The following SLC6A2 variants were observed in gnomAD, a reference collection of about 807,000 sequenced individuals.
The protein encoded by SLC6A2 is solute carrier family 6 member 2.
In SLC6A2, 26 loss-of-function variants were observed where a neutral mutation model predicts 71.7. The observed-to-expected ratio is 0.36, with a 90% CI of 0.27 to 0.50. The LOEUF is 0.50. Among genes scored for constraint, SLC6A2 ranks in the 20% least tolerant of loss-of-function variants. The probability of loss-of-function intolerance (pLI) is 0.96; values close to 1 mark genes in which losing one functional copy is unlikely to be tolerated. For synonymous variants in SLC6A2, 363 were observed against 337.9 expected, an observed-to-expected ratio of 1.07 and a Z score of -0.82; for missense variants, 581 against 803.9, an observed-to-expected ratio of 0.72 and a Z score of 3.35.
Position 55,702,082 on chromosome 16 carries a change from GGGGACA to G in SLC6A2, c.1830+153_1830+158del, listed in dbSNP as rs143752835. On this transcript the variant is annotated intron_variant, in intron 14 of 14. Coordinates refer to ENST00000568943, the MANE Select transcript of SLC6A2 (RefSeq NM_001172501.3). ...TTTTCCCCTTGGAAACATCGGGATG[GGGGACA>G]GGGAGGCTCACCTTGAGCCCATGGC... The G allele has an allele frequency of 1.9e-3, 1,466 of 790,206 alleles. 15 individuals are homozygous for G. The African/African-American group carries it at 0.023, about 12-fold the overall frequency. 48.9% of individuals were successfully genotyped at this position (790,206 alleles called of 1,614,324 possible).
rs1597024692 is a variant in SLC6A2, at chr16:55,705,673, G to T, written c.*3327G>T. ...AGAAAACCCTGCATGTATCCATAATGATGCTCTCCTGTTAAATTTACAATG... is the reference window on the plus strand; with the variant it reads ...AGAAAACCCTGCATGTATCCATAATTATGCTCTCCTGTTAAATTTACAATG... On this transcript the variant is annotated 3_prime_UTR_variant, in exon 15 of 15. Coordinates refer to ENST00000568943, the MANE Select transcript of SLC6A2 (RefSeq NM_001172501.3). 4.3e-5 allele frequency: 7 copies of T among 162,350 alleles called. No individual in the cohort carries two copies. The South Asian group carries it at 1.4e-3, about 33-fold the overall frequency. The allele number at this position is 162,350 out of a possible 1,614,324, so 10.1% of individuals were successfully genotyped here.
intron 11 of SLC6A2, 116 bp from the exon 12 acceptor site, chr16:55,699,438 G>A: frequency 2.5e-6 from 2 of 787,240 alleles, no homozygotes; most frequent in South Asian, 2.8e-5. Flanking sequence ...TAGTTCCAGG[G>A]TATCAGCATC....
chr16:55,656,175 T>G lies in SLC6A2; in HGVS notation c.-52+6T>G. Reference sequence around the variant, plus strand: ...ATCCCCTCGCCGCCGGACACGTGAGTGCGCCCTGAGCGCGGGACAGGGCTA... The same window carrying G: ...ATCCCCTCGCCGCCGGACACGTGAGGGCGCCCTGAGCGCGGGACAGGGCTA... On this transcript the variant is annotated splice_donor_region_variant and intron_variant, in intron 1 of 14. Transcript: ENST00000568943. The surrounding 1 kb of genome is among the most constrained non-coding windows in gnomAD (Gnocchi z 4.5). The G allele has an allele frequency of 6.1e-6, 1 of 162,812 alleles. No individual in the cohort carries two copies. The allele number at this position is 162,812 out of a possible 1,614,324, so 10.1% of individuals were successfully genotyped here. A position where few individuals can be genotyped will look rare whatever the true frequency, so the allele number is the denominator to read the frequency against.
chr16:55,659,044 C>T (rs765226201), intron 2 of SLC6A2, among the ~76,000 whole-genome samples: 13 of 152,108 alleles, frequency 8.5e-5, no homozygotes, highest in Non-Finnish European at 1.6e-4. Context: ...CCTCAGTGAC[C>T]GCCCCAGACT....
At chr16:55,659,794 A>G (rs1382676276) in intron 2 of SLC6A2, among the ~76,000 whole-genome samples, 2 of 152,168 alleles carry the variant, frequency 1.3e-5, no homozygotes, top group Non-Finnish European at 2.9e-5. Flanking sequence ...CAGCCTATTC[A>G]TTAGTGGTCT....
chr16:55,698,126 G>A lies in SLC6A2; in HGVS notation c.1389+101G>A. 9.2e-6 allele frequency: 12 copies of A among 1,298,070 alleles called. No individual in the cohort carries two copies. In the South Asian group the frequency reaches 1.3e-4, roughly 14 times the overall value. 80.4% of individuals were successfully genotyped at this position (1,298,070 alleles called of 1,614,324 possible). On this transcript the variant is annotated intron_variant, in intron 10 of 14. Transcript: ENST00000568943. ...TTAGAACTGGGGCTGAGCTCAGGGA[G>A]AACAATGCAGGATCCAGCATCCTCA...
chr16:55,682,739 G>C (rs375315828), intron 4 of SLC6A2, among the ~76,000 whole-genome samples: 4 of 152,326 alleles, frequency 2.6e-5, no homozygotes, highest in East Asian at 3.9e-4. Context: ...GGCCTCCCAG[G>C]AGAGGTGACA....
intron 2 of SLC6A2, among the ~76,000 whole-genome samples, chr16:55,660,175 G>T (rs1964572511): frequency 6.6e-6 from 1 of 152,126 alleles, no homozygotes; most frequent in East Asian, 1.9e-4. Context: ...ATCTCCAGCT[G>T]TGCACCTGGG....
At chr16:55,668,267 T>C (rs1440170001) in intron 2 of SLC6A2, among the ~76,000 whole-genome samples, 4 of 152,162 alleles carry the variant, frequency 2.6e-5, no homozygotes, top group Non-Finnish European at 5.9e-5. Flanking sequence ...CCACAGTTCT[T>C]TGCTATCTTG....
At chr16:55,661,248 G>T (rs1177403802) in intron 2 of SLC6A2, among the ~76,000 whole-genome samples, 1 of 152,198 alleles carries the variant, frequency 6.6e-6, no homozygotes, top group Non-Finnish European at 1.5e-5. Flanking sequence ...GGCTGCTTCT[G>T]TTTGAGTCCT....
At chr16:55,696,818 A>T (rs1965814311) in intron 9 of SLC6A2, among the ~76,000 whole-genome samples, 1 of 152,142 alleles carries the variant, frequency 6.6e-6, no homozygotes, top group Non-Finnish European at 1.5e-5. Context: ...CCCCGTCTCT[A>T]TAAAAAATTT....
At position 55,705,549 on chromosome 16, in the gene SLC6A2, G is replaced by C. The variant is rs1966083220; in HGVS notation, c.*3203G>C. ...ACTTGGGTCTGCAGCTGACTAGCTG[G>C]GTGGCCTGGGGATAGTGGCTTCATC... is the stretch of plus-strand genomic sequence containing the variant. On this transcript the variant is annotated 3_prime_UTR_variant, in exon 15 of 15. Transcript: ENST00000568943. The C allele has an allele frequency of 2.9e-6, 1 of 349,232 alleles. No individual in the cohort carries two copies. The highest frequency in any genetic ancestry group is 2.1e-5 in the African/African-American group (1 of 47,980). The allele number at this position is 349,232 out of a possible 1,614,324, so 21.6% of individuals were successfully genotyped here.
At chr16:55,660,843 C>A (rs2142486378) in intron 2 of SLC6A2, among the ~76,000 whole-genome samples, 1 of 152,328 alleles carries the variant, frequency 6.6e-6, no homozygotes, top group South Asian at 2.1e-4. Flanking sequence ...GTAACCTCTG[C>A]AATTCTGACT....
At position 55,703,181 on chromosome 16, in the gene SLC6A2, G is replaced by A. The variant is rs41280882; in HGVS notation, c.*835G>A. ...ATGCTGCTCTTGCTCTGTAAGACAC[G>A]GAGCCCAGAAACCCATCTGCACTTC... On this transcript the variant is annotated 3_prime_UTR_variant, in exon 15 of 15. Transcript: ENST00000568943. 0.024 allele frequency: 23,579 copies of A among 985,310 alleles called. 303 individuals are homozygous for A. The highest frequency in any genetic ancestry group is 0.026 in the Non-Finnish European group (21,758 of 829,858). 61.0% of individuals were successfully genotyped at this position (985,310 alleles called of 1,614,324 possible). A position where few individuals can be genotyped will look rare whatever the true frequency, so the allele number is the denominator to read the frequency against.
At position 55,703,256 on chromosome 16, in the gene SLC6A2, T is replaced by A. The variant is rs1043571217; in HGVS notation, c.*910T>A. 1 of 985,374 alleles carries A rather than the reference T, an allele frequency of 1.0e-6. No individual in the cohort carries two copies. The highest frequency in any genetic ancestry group is 1.7e-5 in the African/African-American group (1 of 57,244). 61.0% of individuals were successfully genotyped at this position (985,374 alleles called of 1,614,324 possible). On this transcript the variant is annotated 3_prime_UTR_variant, in exon 15 of 15. Coordinates refer to ENST00000568943, the MANE Select transcript of SLC6A2 (RefSeq NM_001172501.3). ...GGCAGGGACCAAGTGAGGCCTCATG[T>A]GTGTCTTCACCGTGCTGTCCTCACA...
intron 4 of SLC6A2, among the ~76,000 whole-genome samples, chr16:55,684,668 A>G (rs1049486147): frequency 6.6e-6 from 1 of 152,174 alleles, no homozygotes; most frequent in Admixed American, 6.5e-5. Context: ...AGCAGCACCC[A>G]TAGTCTCTAT....
intron 13 of SLC6A2, 72 bp downstream of exon 13, chr16:55,700,378 C>T (rs546653087): frequency 2.2e-6 from 3 of 1,351,564 alleles, no homozygotes; most frequent in African/African-American, 2.9e-5. Flanking sequence ...ACTCTCATTC[C>T]TGTTGGGGTG....
rs1229007958 is a variant in SLC6A2, at chr16:55,705,194, C to CATTTT, written c.*2849_*2850insTTTTA. On this transcript the variant is annotated 3_prime_UTR_variant, in exon 15 of 15. Coordinates refer to ENST00000568943, the MANE Select transcript of SLC6A2 (RefSeq NM_001172501.3). ...ACTCAATGTCTAGTTATTTAGCACC[C>CATTTT]ACCTTTTAGCTTTCATTCTAGATGA... is the stretch of plus-strand genomic sequence containing the variant. 1 of 1,524,374 alleles carries CATTTT rather than the reference C, an allele frequency of 6.6e-7. No homozygotes were observed. Among genetic ancestry groups the CATTTT allele is most frequent in the East Asian group, 2.4e-5 (1 of 40,864 alleles). The allele number at this position is 1,524,374 out of a possible 1,614,324, so 94.4% of individuals were successfully genotyped here.
rs1365395795 is a variant in SLC6A2 at position 55,705,473 on chromosome 16, A to G, written c.*3127A>G. ...TTCGAAAGCCACCGAAGAGAGAAAA[A>G]CAGAGAAGGTGTGTAGTGTGGCGGA... On this transcript the variant is annotated 3_prime_UTR_variant, in exon 15 of 15. Transcript: ENST00000568943. The G allele has an allele frequency of 2.2e-5, 12 of 553,150 alleles. No homozygotes were observed. The highest frequency in any genetic ancestry group is 1.7e-4 in the African/African-American group (9 of 53,418). The allele number at this position is 553,150 out of a possible 1,614,324, so 34.3% of individuals were successfully genotyped here. A position where few individuals can be genotyped will look rare whatever the true frequency, so the allele number is the denominator to read the frequency against.
Sources: allele counts gnomAD v4.1 joint callset (sites outside exome capture counted in the v4.1 genomes callset), GRCh38; gene constraint gnomAD v4.1.1; non-coding constraint Gnocchi (gnomAD v3.1); transcripts MANE v1.5; gene names NCBI Gene and HGNC (gene_info 2026-07-23, HGNC 2026-07-21).